COL6A1: variants seen among roughly 807,000 people sequenced by gnomAD.
COL6A1 encodes collagen type VI alpha 1 chain.
COL6A1 carries 80 observed loss-of-function variants against 145.6 expected under a neutral mutation model. That is an observed-to-expected ratio of 0.55 (90% CI 0.46 to 0.66). COL6A1 has a LOEUF of 0.66. Ranked by LOEUF, COL6A1 falls within the 30% of genes least tolerant of loss-of-function variation. The pLI, the probability that COL6A1 is intolerant of heterozygous loss-of-function variation, is 0.00. For missense variants in COL6A1, 1,364 were observed against 1,473.8 expected (o/e 0.93, Z 1.22); for synonymous variants, 638 against 622.8 (o/e 1.02, Z -0.36).
chr21:45,999,999 T>TA (rs367862432), intron 27 of COL6A1, among the ~76,000 whole-genome samples: 57 of 3,514 alleles, frequency 0.016, 1 homozygote, highest in East Asian at 0.025. Flanking sequence ...GTGAGGATCA[T>TA]GGGGGACCCG....
At chr21:46,000,853 A>C in intron 29 of COL6A1, 86 bp downstream of exon 29, 1 of 1,528,752 alleles carries the variant, frequency 6.5e-7, no homozygotes, top group Non-Finnish European at 9.1e-7. Context: ...ACAGGACAGC[A>C]CATGGCACTC....
At position 46,002,282 on chromosome 21, in the gene COL6A1, C is replaced by A; in HGVS notation, c.2131C>A (p.Arg711=). ...TFTGEALQYT[R]DQLLPPSPNN... is the part of the protein sequence containing the mutation. ...CACGGGGGAGGCCCTGCAGTACACG[C>A]GGGACCAGCTGCTGCCGCCCAGCCC... The change falls in exon 32 of 35, where the codon CGG becomes AGG. Residue 711 remains arginine, a synonymous_variant. Coordinates refer to ENST00000361866, the MANE Select transcript of COL6A1 (RefSeq NM_001848.3). 6.3e-7 allele frequency: 1 copy of A among 1,597,022 alleles called. No homozygotes were observed. Among genetic ancestry groups the A allele is most frequent in the East Asian group, 2.3e-5 (1 of 44,206 alleles).
chr21:46,002,468 T>C (rs1389564347), intron 32 of COL6A1, 59 bp from the exon 33 acceptor site: 7 of 1,613,244 alleles, frequency 4.3e-6, no homozygotes, highest in Non-Finnish European at 5.9e-6. Flanking sequence ...GGTGGCCTTG[T>C]CCCCAGAAAG....
Position 46,003,746 on chromosome 21 carries a change from G to C in COL6A1, c.2820G>C (p.Leu940=), listed in dbSNP as rs111451684. The C allele has an allele frequency of 1.2e-6, 2 of 1,612,768 alleles. No homozygotes were observed. Among genetic ancestry groups the C allele is most frequent in the African/African-American group, 2.7e-5 (2 of 74,938 alleles). ...ASSGAAKKRL[L]LFSDGNSQGA... Reference sequence around the variant, plus strand: ...CCGGCGCTGCCAAGAAGAGGCTGCTGCTCTTCTCAGATGGCAACTCGCAGG... The same window carrying C: ...CCGGCGCTGCCAAGAAGAGGCTGCTCCTCTTCTCAGATGGCAACTCGCAGG... Residue 940 remains leucine (L), a synonymous_variant, in exon 35 of 35, where the codon CTG becomes CTC. Transcript: ENST00000361866.
intron 26 of COL6A1, 92 bp from the exon 27 acceptor site, chr21:45,999,565 G>A (rs1257922614): frequency 1.4e-6 from 2 of 1,407,996 alleles, no homozygotes; most frequent in East Asian, 2.4e-5. Flanking sequence ...GGCTTGATGA[G>A]GGGCAGGGCC....
chr21:45,994,316 G>A lies in COL6A1; in HGVS notation c.1398+87G>A. On this transcript the variant is annotated intron_variant, in intron 20 of 34. Transcript: ENST00000361866. The surrounding 1 kb of genome is among the most constrained non-coding windows in gnomAD (Gnocchi z 6.8). ...CCAGCAGCTCACGCACTGGGGGTCTGTTCATTTCCGTTTGAGGGCCTCTGT... is the reference window on the plus strand; with the variant it reads ...CCAGCAGCTCACGCACTGGGGGTCTATTCATTTCCGTTTGAGGGCCTCTGT... 3.2e-6 allele frequency: 4 copies of A among 1,268,612 alleles called. No homozygotes were observed. The highest frequency in any genetic ancestry group is 4.5e-6 in the Non-Finnish European group (4 of 889,330). The allele number at this position is 1,268,612 out of a possible 1,614,324, so 78.6% of individuals were successfully genotyped here. A position where few individuals can be genotyped will look rare whatever the true frequency, so the allele number is the denominator to read the frequency against.
chr21:45,995,667 C>T (rs760518640), intron 20 of COL6A1, among the ~76,000 whole-genome samples: 8 of 152,220 alleles, frequency 5.3e-5, no homozygotes, highest in Non-Finnish European at 1.0e-4. Context: ...GCAGGGCCTC[C>T]AGGGCTGTGG....
chr21:45,994,148 AC>A lies in COL6A1; in HGVS notation c.1336-18del. The A allele has an allele frequency of 1.3e-6, 2 of 1,589,110 alleles. No individual in the cohort carries two copies. Among genetic ancestry groups the A allele is most frequent in the South Asian group, 2.3e-5 (2 of 87,172 alleles). Reference sequence around the variant, plus strand: ...CCAAGGATGGCCCAGCTCCACACTCACGGCTCGTTTCTCTTCAGGGTGAAGC... The same window carrying A: ...CCAAGGATGGCCCAGCTCCACACTCAGGCTCGTTTCTCTTCAGGGTGAAGC... On this transcript the variant is annotated intron_variant, in intron 19 of 34. Transcript: ENST00000361866. This position sits in a 1 kb window ranked among gnomAD's most constrained non-coding sequence, Gnocchi z 6.8.
rs150938324 is a variant in COL6A1 at position 46,001,285 on chromosome 21, G to C, written c.1855G>C (p.Val619Leu). The change falls in exon 30 of 35, where the codon GTG (valine) becomes CTG (leucine). Residue 619 changes from valine (V) to leucine (L), a missense_variant. By Grantham distance (32) the Val-to-Leu change is conservative. Around this residue, in one of 3 missense-constraint regions of COL6A1, gnomAD observed 938 missense variants for 1,003.8 expected, o/e 0.93. Transcript: ENST00000361866. ...GTGCGGCCCCATCGACCTCCTGTTC[G>C]TGCTGGACAGCTCAGAGAGCATTGG... is the stretch of plus-strand genomic sequence containing the variant. Reference protein sequence around the residue: ...CKCGPIDLLFVLDSSESIGLQ... With the variant: ...CKCGPIDLLFLLDSSESIGLQ... The C allele has an allele frequency of 1.2e-6, 2 of 1,611,710 alleles. No homozygotes were observed. Among genetic ancestry groups the C allele is most frequent in the Non-Finnish European group, 1.7e-6 (2 of 1,179,864 alleles).
At chr21:45,986,432 GTGA>G in intron 3 of COL6A1, 91 bp from the exon 4 acceptor site, 1 of 1,309,682 alleles carries the variant, frequency 7.6e-7, no homozygotes. Context: ...GCTCCTCCCG[GTGA>G]GACAGGGACC....
intron 19 of COL6A1, among the ~76,000 whole-genome samples, chr21:45,993,864 C>T (rs1385094982): frequency 6.6e-6 from 1 of 152,236 alleles, no homozygotes; most frequent in African/African-American, 2.4e-5. Context: ...AAGTCCATGG[C>T]TACAAACACT....
chr21:45,990,651 T>A, intron 13 of COL6A1, 122 bp from the exon 14 acceptor site: 1 of 847,706 alleles, frequency 1.2e-6, no homozygotes, highest in Non-Finnish European at 1.9e-6. Context: ...CAGGGGGGTG[T>A]CTGCTAGGCA....
In COL6A1 at chr21:45,992,013, G is replaced by A. The variant is rs761353188; in HGVS notation, c.1123G>A (p.Glu375Lys). 29 of 1,591,754 alleles carry A rather than the reference G, an allele frequency of 1.8e-5. No homozygotes were observed. Among genetic ancestry groups the A allele is most frequent in the Middle Eastern group, 1.7e-4 (1 of 6,020 alleles). Residue 375 changes from glutamate to lysine, a missense_variant, in exon 16 of 35, where the codon GAG (glutamate) becomes AAG (lysine). Physicochemically the swap from Glu to Lys is moderately conservative, Grantham distance 56. Coordinates refer to ENST00000361866, the MANE Select transcript of COL6A1 (RefSeq NM_001848.3). Reference sequence around the variant, plus strand: ...TGACTCCCCCGGTCTTCCCCAGGGCGAGCCTGGAGCTGACGGGGAGGCGGG... The same window carrying A: ...TGACTCCCCCGGTCTTCCCCAGGGCAAGCCTGGAGCTGACGGGGAGGCGGG... The part of the protein sequence containing the change: ...GAFGLKGEKG[E>K]PGADGEAGRP...
At chr21:45,989,886 T>C (rs1453637458) in intron 11 of COL6A1, 108 bp downstream of exon 11, 46 of 1,426,622 alleles carry the variant, frequency 3.2e-5, no homozygotes, top group African/African-American at 8.4e-5. Flanking sequence ...AGACCACGTG[T>C]CCTGCAGACC....
At position 46,002,307 on chromosome 21, in the gene COL6A1, C is replaced by T. The variant is rs753759904; in HGVS notation, c.2156C>T (p.Pro719Leu). The T allele has an allele frequency of 2.8e-5, 45 of 1,593,446 alleles. No individual in the cohort carries two copies. Among genetic ancestry groups the T allele is most frequent in the Non-Finnish European group, 1.7e-5 (20 of 1,172,120 alleles). ...YTRDQLLPPSPNNRIALVITD... is the reference protein window; with the variant it reads ...YTRDQLLPPSLNNRIALVITD... ...CGGGACCAGCTGCTGCCGCCCAGCC[C>T]GAACAACCGCATCGCCCTGGTCATC... is the stretch of plus-strand genomic sequence containing the variant. Residue 719 changes from proline (P) to leucine (L), a missense_variant, in exon 32 of 35, where the codon CCG becomes CTG. This residue lies in a region of COL6A1 where 938 missense variants were observed against 1,003.8 expected (regional missense o/e 0.93). Transcript: ENST00000361866.
chr21:46,003,512 G>A lies in COL6A1; in HGVS notation c.2586G>A (p.Ala862=), dbSNP rs750388791. 15 of 1,611,592 alleles carry A rather than the reference G, an allele frequency of 9.3e-6. No individual in the cohort carries two copies. The highest frequency in any genetic ancestry group is 5.0e-5 in the Admixed American group (3 of 59,958). Residue 862 remains alanine (A), a synonymous_variant, in exon 35 of 35, where the codon GCG becomes GCA. Coordinates refer to ENST00000361866, the MANE Select transcript of COL6A1 (RefSeq NM_001848.3). ...AKRLAERFLT[A]GRTDPAHDVR... is the part of the protein sequence containing the mutation. ...GCCTGGCCGAGCGCTTCCTCACAGC[G>A]GGCAGGACGGACCCCGCCCACGACG... is the stretch of plus-strand genomic sequence containing the variant.
Position 46,002,045 on chromosome 21 carries a change from A to G in COL6A1, c.2041A>G (p.Ile681Val), listed in dbSNP as rs377455608. The change falls in exon 31 of 35, where the codon ATC becomes GTC. Residue 681 changes from isoleucine to valine, a missense_variant. Physicochemically the swap from Ile to Val is conservative, Grantham distance 29. Transcript: ENST00000361866. ...QEHVSLRSPS[I>V]RNVQELKEAI... Reference sequence around the variant, plus strand: ...GCACGTGAGCCTGCGCAGCCCCAGCATCCGGAACGTGCAGGAGCTCAAGGA... The same window carrying G: ...GCACGTGAGCCTGCGCAGCCCCAGCGTCCGGAACGTGCAGGAGCTCAAGGA... The G allele has an allele frequency of 6.9e-5, 111 of 1,612,254 alleles. No homozygotes were observed. The highest frequency in any genetic ancestry group is 1.1e-5 in the Non-Finnish European group (13 of 1,179,798).
At chr21:45,990,906 G>A in intron 14 of COL6A1, 73 bp from the exon 15 acceptor site, 1 of 1,607,748 alleles carries the variant, frequency 6.2e-7, no homozygotes, top group South Asian at 1.1e-5. Flanking sequence ...ACTTCTGTCT[G>A]GGCGGTCTGG....
At chr21:45,984,167 G>A (rs1206369181) in intron 2 of COL6A1, 102 bp from the exon 3 acceptor site, 1 of 1,180,862 alleles carries the variant, frequency 8.5e-7, no homozygotes, top group African/African-American at 1.5e-5. Context: ...GCCACGGCCA[G>A]GGTGGGGCAG....
Sources: gnomAD v4.1 joint callset for allele counts (sites outside exome capture counted in the v4.1 genomes callset) on GRCh38, gnomAD v4.1.1 for gene constraint, gnomAD v4.1.1 regional missense constraint, Gnocchi (gnomAD v3.1) non-coding constraint, MANE v1.5 for transcripts, NCBI Gene and HGNC (gene_info 2026-07-23, HGNC 2026-07-21) for gene names.